GDA: variants seen among roughly 807,000 people sequenced by gnomAD.
GDA encodes the protein cytoplasmic PSD-95 interactor.
Under a neutral mutation model 59.6 loss-of-function variants are expected in GDA, and 18 were observed. That is an observed-to-expected ratio of 0.30 (90% CI 0.21 to 0.45). GDA has a LOEUF of 0.45. Ranked by LOEUF, GDA falls within the 20% of genes least tolerant of loss-of-function variation. GDA has a pLI of 1.00. For missense variants in GDA, 427 were observed against 552.3 expected (o/e 0.77, Z 2.27); for synonymous variants, 201 against 201.1 (o/e 1.00, Z 0.00).
chr9:72,221,009 A>C (rs1836786064), intron 6 of GDA, among the ~76,000 whole-genome samples: 1 of 152,170 alleles, frequency 6.6e-6, no homozygotes, highest in Admixed American at 6.5e-5. Flanking sequence ...GGGGCCTGAT[A>C]GGAAATCATA....
At position 72,166,137 on chromosome 9, in the gene GDA, A is replaced by C. The variant is rs139056386; in HGVS notation, c.123+16455A>C. On this transcript the variant is annotated intron_variant, in intron 1 of 13. Coordinates refer to ENST00000358399, the MANE Select transcript of GDA (RefSeq NM_004293.5). The stretch of plus-strand genomic sequence containing the variant: ...TCATTTGTTTTTCACTGTCCTGACA[A>C]TCAAGTGGGAATGAGAAAAATAAGA... Among the ~76,000 whole-genome samples, 496 of 152,312 alleles carry C rather than the reference A, an allele frequency of 3.3e-3. 3 individuals are homozygous for C. The highest frequency in any genetic ancestry group is 0.012 in the African/African-American group (481 of 41,550).
intron 1 of GDA, among the ~76,000 whole-genome samples, chr9:72,126,336 AT>A (rs1473316470): frequency 6.6e-6 from 1 of 152,148 alleles, no homozygotes. Flanking sequence ...TCCAACAGAC[AT>A]TTTTTGAGCA....
intron 1 of GDA, among the ~76,000 whole-genome samples, chr9:72,139,054 A>T (rs1341570354): frequency 6.6e-6 from 1 of 152,232 alleles, no homozygotes; most frequent in Non-Finnish European, 1.5e-5. Context: ...CACATCTAAG[A>T]ATATCTAAAA....
At chr9:72,120,454 A>G (rs1825622379) in intron 1 of GDA, among the ~76,000 whole-genome samples, 1 of 152,154 alleles carries the variant, frequency 6.6e-6, no homozygotes, top group Admixed American at 6.5e-5. Context: ...TCAGCCTCCC[A>G]AAGTGCTGGG....
At chr9:72,135,023 A>C (rs1826168348) in intron 1 of GDA, among the ~76,000 whole-genome samples, 1 of 152,204 alleles carries the variant, frequency 6.6e-6, no homozygotes. Flanking sequence ...ATTCCTGTGG[A>C]ACCACAAGGT....
intron 1 of GDA, among the ~76,000 whole-genome samples, chr9:72,180,963 C>T (rs184611779): frequency 3.9e-5 from 6 of 152,284 alleles, no homozygotes; most frequent in Middle Eastern, 3.4e-3. Context: ...TCATTGCCTT[C>T]GCTTCTTCTG....
intron 1 of GDA, among the ~76,000 whole-genome samples, chr9:72,133,118 G>C (rs1354441769): frequency 6.6e-6 from 1 of 151,466 alleles, no homozygotes; most frequent in Non-Finnish European, 1.5e-5. Flanking sequence ...GTGAAACTCT[G>C]TCTCTACTAA....
chr9:72,210,635 A>T, intron 3 of GDA, 52 bp from the exon 4 acceptor site: 1 of 972,170 alleles, frequency 1.0e-6, no homozygotes, highest in Non-Finnish European at 1.7e-6. Context: ...TGGATGTACC[A>T]TGTGACTTTT....
chr9:72,129,505 A>G (rs905079782), intron 1 of GDA, among the ~76,000 whole-genome samples: 2 of 152,204 alleles, frequency 1.3e-5, no homozygotes, highest in African/African-American at 2.4e-5. Flanking sequence ...TGAATCACAC[A>G]TAGGATAAGG....
At chr9:72,176,175 A>G (rs1053912052) in intron 1 of GDA, among the ~76,000 whole-genome samples, 1 of 152,182 alleles carries the variant, frequency 6.6e-6, no homozygotes, top group Non-Finnish European at 1.5e-5. Context: ...GGTCATTCAC[A>G]TGACTGCAAG....
At chr9:72,168,770 C>T (rs1829624189) in intron 1 of GDA, among the ~76,000 whole-genome samples, 1 of 152,128 alleles carries the variant, frequency 6.6e-6, no homozygotes, top group Non-Finnish European at 1.5e-5. Context: ...TGCAACAACC[C>T]TATAAATTAA....
At chr9:72,255,035 A>G (rs965299446), downstream of GDA, among the ~76,000 whole-genome samples, 2 of 152,320 alleles carry the variant, frequency 1.3e-5, no homozygotes, top group African/African-American at 2.4e-5. Context: ...TGAGCCCTCA[A>G]ATTGGAGCTT....
At chr9:72,199,467 ATC>A (rs1833658941) in intron 2 of GDA, among the ~76,000 whole-genome samples, 1 of 152,140 alleles carries the variant, frequency 6.6e-6, no homozygotes, top group Non-Finnish European at 1.5e-5. Flanking sequence ...TCACTCTCTC[ATC>A]TCAGCTACAA....
At chr9:72,259,076 G>T (rs1840913646), downstream of GDA, among the ~76,000 whole-genome samples, 3 of 150,642 alleles carry the variant, frequency 2.0e-5, 1 homozygote, top group South Asian at 6.3e-4. Context: ...CCAGGCTGGA[G>T]TGCAGTGGTA....
At chr9:72,211,373 A>C (rs926858326) in intron 4 of GDA, among the ~76,000 whole-genome samples, 6 of 152,240 alleles carry the variant, frequency 3.9e-5, no homozygotes, top group African/African-American at 1.4e-4. Context: ...CTCATGTTAC[A>C]GATGGTTAGA....
At chr9:72,256,533 G>A (rs553754282), downstream of GDA, among the ~76,000 whole-genome samples, 5 of 152,340 alleles carry the variant, frequency 3.3e-5, no homozygotes, top group East Asian at 9.6e-4. Flanking sequence ...TTTCACAGAA[G>A]TGACATCTAA....
At chr9:72,191,113 A>G (rs1156395252) in intron 1 of GDA, among the ~76,000 whole-genome samples, 1 of 152,208 alleles carries the variant, frequency 6.6e-6, no homozygotes, top group African/African-American at 2.4e-5. Context: ...ATCTTTAATG[A>G]TCTGTCAATT....
chr9:72,208,454 G>A (rs1048745662), intron 3 of GDA, among the ~76,000 whole-genome samples: 10 of 152,134 alleles, frequency 6.6e-5, no homozygotes, highest in African/African-American at 2.2e-4. Context: ...GACAGGTCAG[G>A]CAATATCCGT....
downstream of GDA, among the ~76,000 whole-genome samples, chr9:72,255,766 G>A (rs183179518): frequency 2.6e-5 from 4 of 152,192 alleles, no homozygotes; most frequent in Non-Finnish European, 5.9e-5. Flanking sequence ...GGGGGTAAAA[G>A]AGAAGCTATG....
Sources: gnomAD v4.1 joint callset for allele counts (sites outside exome capture counted in the v4.1 genomes callset) on GRCh38, gnomAD v4.1.1 for gene constraint, MANE v1.5 for transcripts, NCBI Gene and HGNC (gene_info 2026-07-23, HGNC 2026-07-21) for gene names.